Variants in XKR9 observed in about 807,000 individuals in gnomAD.
The protein encoded by XKR9 is XK related 9, also known as XK-related protein 9.
XKR9 carries 32 observed loss-of-function variants against 32.0 expected under a neutral mutation model. That is an observed-to-expected ratio of 1.00 (90% CI 0.76 to 1.34). XKR9 has a LOEUF of 1.34. Ranked by LOEUF, XKR9 falls within the 40% of genes most tolerant of loss-of-function variation. The pLI, the probability that XKR9 is intolerant of heterozygous loss-of-function variation, is 0.00. For synonymous variants in XKR9, 168 were observed against 143.4 expected (o/e 1.17, Z -1.22); for missense variants, 546 against 429.7 (o/e 1.27, Z -2.39).
the XKR9 span, among the ~76,000 whole-genome samples, chr8:70,981,342 T>C: frequency 6.6e-6 from 1 of 152,160 alleles, no homozygotes; most frequent in Middle Eastern, 3.2e-3. Context: ...TTTTAAAAAT[T>C]ATTTTTTCTT....
the XKR9 span, among the ~76,000 whole-genome samples, chr8:70,815,666 C>G: frequency 6.6e-6 from 1 of 151,986 alleles, no homozygotes; most frequent in Non-Finnish European, 1.5e-5. Context: ...GCTGGGACTA[C>G]AGGCGCCCGC....
intron 2 of XKR9, among the ~76,000 whole-genome samples, chr8:70,679,598 C>G (rs950539371): frequency 6.6e-6 from 1 of 152,114 alleles, no homozygotes; most frequent in Non-Finnish European, 1.5e-5. Flanking sequence ...AAAGGGGCAG[C>G]CACTGCTCAT....
the XKR9 span, among the ~76,000 whole-genome samples, chr8:71,025,039 ATAATCT>A: frequency 6.6e-6 from 1 of 152,236 alleles, no homozygotes; most frequent in Non-Finnish European, 1.5e-5. Flanking sequence ...ATTGACTTAT[ATAATCT>A]TTCTAATAAC....
downstream of XKR9, among the ~76,000 whole-genome samples, chr8:70,795,036 T>C (rs1323087154): frequency 6.6e-6 from 1 of 152,078 alleles, no homozygotes; most frequent in Non-Finnish European, 1.5e-5. Flanking sequence ...ATAGATAAAC[T>C]TGTGTCATGG....
the XKR9 span, among the ~76,000 whole-genome samples, chr8:70,800,758 T>C: frequency 6.6e-6 from 1 of 152,180 alleles, no homozygotes; most frequent in Non-Finnish European, 1.5e-5. Flanking sequence ...AGTGCTGGGA[T>C]TACAGGTGTG....
the XKR9 span, among the ~76,000 whole-genome samples, chr8:70,876,981 A>T: frequency 6.6e-6 from 1 of 152,214 alleles, no homozygotes; most frequent in African/African-American, 2.4e-5. Flanking sequence ...GTAGTGTATT[A>T]GTCTGTTCTC....
chr8:70,900,701 G>T, the XKR9 span, among the ~76,000 whole-genome samples: 2 of 152,002 alleles, frequency 1.3e-5, no homozygotes, highest in Non-Finnish European at 2.9e-5. Context: ...AGGGTACATG[G>T]GTGCAACGTG....
the XKR9 span, among the ~76,000 whole-genome samples, chr8:70,897,683 G>T: frequency 1.3e-5 from 2 of 152,110 alleles, no homozygotes; most frequent in Non-Finnish European, 1.5e-5. Flanking sequence ...TCTCTTTTGA[G>T]AAATGTCTAT....
chr8:70,851,226 G>A, the XKR9 span, among the ~76,000 whole-genome samples: 1 of 152,018 alleles, frequency 6.6e-6, no homozygotes, highest in Non-Finnish European at 1.5e-5. Flanking sequence ...AACTTACAAG[G>A]GATGTGAAGG....
the XKR9 span, among the ~76,000 whole-genome samples, chr8:71,054,828 G>A: frequency 5.3e-5 from 8 of 152,024 alleles, no homozygotes; most frequent in South Asian, 2.1e-4. Flanking sequence ...GCAACTCTGC[G>A]CAGGTGTTGC....
the XKR9 span, among the ~76,000 whole-genome samples, chr8:70,819,759 G>C: frequency 6.6e-6 from 1 of 152,152 alleles, no homozygotes. Context: ...TTTCTGTAAA[G>C]AAAAAGTTGA....
At chr8:70,770,791 C>T (rs763793596) in intron 2 of XKR9, among the ~76,000 whole-genome samples, 4 of 152,156 alleles carry the variant, frequency 2.6e-5, no homozygotes, top group African/African-American at 7.2e-5. Flanking sequence ...CCCAGGTGGA[C>T]TTCAGACTGC....
At chr8:70,729,071 A>G (rs188217720) in intron 4 of XKR9, among the ~76,000 whole-genome samples, 247 of 152,318 alleles carry the variant, frequency 1.6e-3, no homozygotes, top group African/African-American at 5.7e-3. Context: ...AGGGGCTGTT[A>G]TTGGCTCTAT....
the XKR9 span, among the ~76,000 whole-genome samples, chr8:70,949,637 G>A: frequency 6.6e-6 from 1 of 151,866 alleles, no homozygotes; most frequent in South Asian, 2.1e-4. Flanking sequence ...GTGGGGGATG[G>A]GGGCTATGAC....
At chr8:70,773,024 CATGTA>C (rs1204399500) in intron 2 of XKR9, among the ~76,000 whole-genome samples, 2 of 152,066 alleles carry the variant, frequency 1.3e-5, no homozygotes, top group Non-Finnish European at 2.9e-5. Context: ...TTTATTTATA[CATGTA>C]ATGTAGATGT....
chr8:70,953,504 G>T, the XKR9 span, among the ~76,000 whole-genome samples: 1 of 152,046 alleles, frequency 6.6e-6, no homozygotes, highest in Non-Finnish European at 1.5e-5. Context: ...TAGAGATAGG[G>T]TCTCCCTATG....
Position 70,774,356 on chromosome 8 carries a change from G to C in XKR9, n.353-14983G>C, listed in dbSNP as rs1009685105. Among the ~76,000 whole-genome samples, 5 of 151,970 alleles carry C rather than the reference G, an allele frequency of 3.3e-5. No homozygotes were observed. The East Asian group carries it at 9.7e-4, about 29-fold the overall frequency. ...TGTTATGTTGCTTAGGCTGGTCTTG[G>C]ACTCCTGGGTTCAAGCAATCCTCCC... On this transcript the variant is annotated intron_variant and non_coding_transcript_variant, in intron 2 of 3. Transcript: ENST00000520273.
chr8:70,728,682 AT>A (rs1194471165), intron 4 of XKR9, among the ~76,000 whole-genome samples: 1 of 152,148 alleles, frequency 6.6e-6, no homozygotes, highest in Non-Finnish European at 1.5e-5. Context: ...TTGAAGCATA[AT>A]TTTTCTCTCT....
the XKR9 span, among the ~76,000 whole-genome samples, chr8:70,976,198 T>A: frequency 6.6e-6 from 1 of 151,926 alleles, no homozygotes; most frequent in Non-Finnish European, 1.5e-5. Flanking sequence ...AGAGGGACAA[T>A]TTGACTTCTA....
Sources: gnomAD v4.1 joint callset for allele counts (sites outside exome capture counted in the v4.1 genomes callset) on GRCh38, gnomAD v4.1.1 for gene constraint, MANE v1.5 for transcripts, NCBI Gene and HGNC (gene_info 2026-07-23, HGNC 2026-07-21) for gene names.